Variants in TPCN1 observed in about 807,000 individuals in gnomAD.
TPCN1 encodes the protein two pore segment channel 1.
A neutral mutation model predicts 108.8 loss-of-function variants in TPCN1; 52 were observed. The ratio of observed to expected loss-of-function variants is 0.48; its 90% confidence interval spans 0.38 to 0.60. The LOEUF (loss-of-function observed/expected upper bound fraction) is 0.60. TPCN1 is among the 20% of genes least tolerant of loss of function. The pLI, the probability that TPCN1 is intolerant of heterozygous loss-of-function variation, is 0.00. For missense variants in TPCN1, 806 were observed against 1,072.8 expected (o/e 0.75, Z 3.47); for synonymous variants, 446 against 433.7 (o/e 1.03, Z -0.35).
At chr12:113,230,572 G>A (rs571731897) in intron 2 of TPCN1, among the ~76,000 whole-genome samples, 3 of 152,072 alleles carry the variant, frequency 2.0e-5, no homozygotes, top group African/African-American at 7.2e-5. Flanking sequence ...CAGTCCTATT[G>A]GATTAGAGCT....
At chr12:113,250,680 C>T (rs1448213374) in intron 2 of TPCN1, among the ~76,000 whole-genome samples, 3 of 152,114 alleles carry the variant, frequency 2.0e-5, no homozygotes, top group Non-Finnish European at 4.4e-5. Flanking sequence ...CCCGGCCAGG[C>T]GCAGTGGCTC....
At chr12:113,248,123 C>T (rs989584700) in intron 2 of TPCN1, among the ~76,000 whole-genome samples, 2 of 152,220 alleles carry the variant, frequency 1.3e-5, no homozygotes, top group Non-Finnish European at 2.9e-5. Flanking sequence ...TTCCTAACAC[C>T]CTTTGGCGCT....
chr12:113,254,710 C>T lies in TPCN1; in HGVS notation c.113-5658C>T, dbSNP rs141951425. Among the ~76,000 whole-genome samples the T allele has an allele frequency of 5.0e-3, 761 of 152,236 alleles. 4 individuals are homozygous for T. The highest frequency in any genetic ancestry group is 7.5e-3 in the Non-Finnish European group (512 of 68,020). ...TGAATATCCAGAATGCTCCAGTGAA[C>T]GTTTTCTTTGAGTGTCATGTTGGTG... On this transcript the variant is annotated intron_variant, in intron 2 of 27. Coordinates refer to ENST00000335509, the MANE Select transcript of TPCN1 (RefSeq NM_017901.6).
chr12:113,250,955 C>T (rs752428806), intron 2 of TPCN1, among the ~76,000 whole-genome samples: 4 of 148,474 alleles, frequency 2.7e-5, no homozygotes, highest in Non-Finnish European at 4.4e-5. Context: ...GACAGAGCAA[C>T]TCTGTCTCAA....
intron 2 of TPCN1, among the ~76,000 whole-genome samples, chr12:113,227,476 G>C (rs1953516092): frequency 6.6e-6 from 1 of 152,162 alleles, no homozygotes; most frequent in South Asian, 2.1e-4. Context: ...GAGGGCTTGG[G>C]GTTTTGCTTT....
intron 7 of TPCN1, among the ~76,000 whole-genome samples, chr12:113,271,932 G>A (rs541912447): frequency 1.6e-3 from 250 of 152,300 alleles, no homozygotes; most frequent in African/African-American, 4.7e-3. Context: ...TGGGAAAGCC[G>A]AGGTCCTTTC....
chr12:113,296,318 G>A lies in TPCN1; in HGVS notation c.*242G>A, dbSNP rs972313997. ...ACCAGGTCTGAGCTCTTCCTACTGT[G>A]GAAGGCTCCAGAAGGCCCTTCACAA... On this transcript the variant is annotated 3_prime_UTR_variant, in exon 28 of 28. Coordinates refer to ENST00000335509, the MANE Select transcript of TPCN1 (RefSeq NM_017901.6). 1.7e-5 allele frequency: 9 copies of A among 527,966 alleles called. No individual in the cohort carries two copies. The highest frequency in any genetic ancestry group is 2.9e-5 in the Non-Finnish European group (9 of 306,010). The allele number at this position is 527,966 out of a possible 1,614,324, so 32.7% of individuals were successfully genotyped here.
intron 19 of TPCN1, chr12:113,287,341 A>AC: frequency 2.0e-6 from 1 of 506,382 alleles, no homozygotes; most frequent in East Asian, 3.3e-5. Context: ...ACTCATGTGC[A>AC]CCCCACCTGA....
chr12:113,257,411 A>C (rs1954865457), intron 2 of TPCN1, among the ~76,000 whole-genome samples: 1 of 152,050 alleles, frequency 6.6e-6, no homozygotes, highest in Non-Finnish European at 1.5e-5. Context: ...GGATCACTTG[A>C]ACCCAGGAAG....
At chr12:113,280,298 CTT>C (rs1955843665) in intron 15 of TPCN1, 103 bp downstream of exon 15, 2 of 911,254 alleles carry the variant, frequency 2.2e-6, no homozygotes, top group East Asian at 5.0e-5. Context: ...CTGTGTTTGA[CTT>C]TTTATTGTGG....
At position 113,231,589 on chromosome 12, in the gene TPCN1, G is replaced by A. The variant is rs1369859511; in HGVS notation, c.112+4625G>A. Among the ~76,000 whole-genome samples, 1 of 152,354 alleles carries A rather than the reference G, an allele frequency of 6.6e-6. No individual in the cohort carries two copies. Among genetic ancestry groups the A allele is most frequent in the South Asian group, 2.1e-4 (1 of 4,828 alleles). ...CACTCCTACCCATTCTTCAGAGGCA[G>A]GGACTGAGGAATCTGGCTGTGCTGC... On this transcript the variant is annotated intron_variant, in intron 2 of 27. Coordinates refer to ENST00000335509, the MANE Select transcript of TPCN1 (RefSeq NM_017901.6). The surrounding 1 kb of genome is among the most constrained non-coding windows in gnomAD (Gnocchi z 4.3).
At chr12:113,256,136 A>T (rs919403657) in intron 2 of TPCN1, among the ~76,000 whole-genome samples, 5 of 151,964 alleles carry the variant, frequency 3.3e-5, no homozygotes, top group Admixed American at 3.3e-4. Flanking sequence ...TTTTTTACTT[A>T]AAAAAAATTT....
At chr12:113,286,557 A>G (rs1025900843) in intron 18 of TPCN1, among the ~76,000 whole-genome samples, 1 of 143,752 alleles carries the variant, frequency 7.0e-6, no homozygotes, top group Non-Finnish European at 1.5e-5. Context: ...TGGGAATCTC[A>G]CTGGAAGGGC....
chr12:113,272,576 T>C lies in TPCN1; in HGVS notation c.749-82T>C. ...TCCTGACCTGCTGCGTTCATTTGCA[T>C]GTATTTGTCCAGTCCTTTTGACACC... On this transcript the variant is annotated intron_variant, in intron 7 of 27. Coordinates refer to ENST00000335509, the MANE Select transcript of TPCN1 (RefSeq NM_017901.6). The surrounding 1 kb of genome is among the most constrained non-coding windows in gnomAD (Gnocchi z 4.1). The C allele has an allele frequency of 4.7e-6, 6 of 1,274,124 alleles. No homozygotes were observed. Among genetic ancestry groups the C allele is most frequent in the Non-Finnish European group, 6.9e-6 (6 of 870,260 alleles). The allele number at this position is 1,274,124 out of a possible 1,614,324, so 78.9% of individuals were successfully genotyped here. A position where few individuals can be genotyped will look rare whatever the true frequency, so the allele number is the denominator to read the frequency against.
chr12:113,278,751 C>T, intron 13 of TPCN1, 21 bp from the exon 14 acceptor site: 2 of 1,613,378 alleles, frequency 1.2e-6, no homozygotes, highest in Non-Finnish European at 1.7e-6. Flanking sequence ...CACCCTCCCT[C>T]TTGGTCCTGT....
intron 2 of TPCN1, among the ~76,000 whole-genome samples, chr12:113,229,454 C>G (rs1953593720): frequency 6.6e-6 from 1 of 152,180 alleles, no homozygotes; most frequent in South Asian, 2.1e-4. Flanking sequence ...GACCTTCTAC[C>G]CCAGCGTCCC....
chr12:113,276,869 C>A, intron 10 of TPCN1, 50 bp from the exon 11 acceptor site: 8 of 1,334,512 alleles, frequency 6.0e-6, no homozygotes, highest in Non-Finnish European at 8.6e-6. Context: ...GCACTCCCTG[C>A]CCTAACCACT....
In TPCN1 at chr12:113,269,945, C is replaced by T. The variant is rs1955425449; in HGVS notation, c.748+100C>T. On this transcript the variant is annotated intron_variant, in intron 7 of 27. Coordinates refer to ENST00000335509, the MANE Select transcript of TPCN1 (RefSeq NM_017901.6). The surrounding 1 kb of genome is among the most constrained non-coding windows in gnomAD (Gnocchi z 5.0). ...GGCTCAGTGGCTCACGCCTGTAATC[C>T]TAGCATTTTGGGAGGCCAAGGTGGG... is the stretch of plus-strand genomic sequence containing the variant. 4 of 1,361,478 alleles carry T rather than the reference C, an allele frequency of 2.9e-6. No individual in the cohort carries two copies. Among genetic ancestry groups the T allele is most frequent in the South Asian group, 2.5e-5 (2 of 81,318 alleles). The allele number at this position is 1,361,478 out of a possible 1,614,324, so 84.3% of individuals were successfully genotyped here. A position where few individuals can be genotyped will look rare whatever the true frequency, so the allele number is the denominator to read the frequency against.
At chr12:113,256,856 A>T (rs61943599) in intron 2 of TPCN1, among the ~76,000 whole-genome samples, 8,977 of 152,306 alleles carry the variant, frequency 0.059, 360 homozygotes, top group Middle Eastern at 0.071. Context: ...AAAAGTATTA[A>T]TCCATAAAAA....
Sources: gnomAD v4.1 joint callset for allele counts (sites outside exome capture counted in the v4.1 genomes callset) on GRCh38, gnomAD v4.1.1 for gene constraint, Gnocchi (gnomAD v3.1) non-coding constraint, MANE v1.5 for transcripts, NCBI Gene and HGNC (gene_info 2026-07-23, HGNC 2026-07-21) for gene names.